Variants in ABCB11 observed in about 807,000 individuals in gnomAD.
ABCB11 encodes the protein ATP binding cassette subfamily B member 11.
In ABCB11, 95 loss-of-function variants were observed where a neutral mutation model predicts 148.0. That is an observed-to-expected ratio of 0.64 (90% CI 0.54 to 0.76). The LOEUF (loss-of-function observed/expected upper bound fraction) is 0.76, where lower values mean the gene tolerates loss of function less well. Among genes scored for constraint, ABCB11 ranks in the 30% least tolerant of loss-of-function variants. The pLI, the probability that ABCB11 is intolerant of heterozygous loss-of-function variation, is 0.00. For missense variants in ABCB11, 1,523 were observed against 1,617.8 expected, an observed-to-expected ratio of 0.94 and a Z score of 1.01; for synonymous variants, 591 against 555.4, an observed-to-expected ratio of 1.06 and a Z score of -0.90.
rs140540730 is a variant in ABCB11 at position 168,961,075 on chromosome 2, C to T, written c.2179-2947G>A. On this transcript the variant is annotated intron_variant, in intron 18 of 27. Transcript: ENST00000650372. ...ATCCCCAGTGTGATACCTGGCACTT[C>T]ACAGTGTACAATCGATGTTTATGGG... Among the ~76,000 whole-genome samples, 268 of 151,820 alleles carry T rather than the reference C, an allele frequency of 1.8e-3. 2 individuals are homozygous for T. Among genetic ancestry groups the T allele is most frequent in the African/African-American group, 6.0e-3 (248 of 41,498 alleles).
At chr2:168,996,593 G>T (rs1424110020) in intron 6 of ABCB11, 42 bp downstream of exon 6, 2 of 1,197,850 alleles carry the variant, frequency 1.7e-6, no homozygotes, top group Non-Finnish European at 2.3e-6. Context: ...GTGTCTTTGA[G>T]GTCAGATATT....
chr2:168,950,539 T>A (rs931462848), intron 19 of ABCB11, among the ~76,000 whole-genome samples: 6 of 151,798 alleles, frequency 4.0e-5, no homozygotes, highest in Admixed American at 3.3e-4. Context: ...TGATTAGTGA[T>A]GTTGAGCATT....
intron 5 of ABCB11, among the ~76,000 whole-genome samples, chr2:168,997,597 A>T (rs1245355697): frequency 6.6e-6 from 1 of 152,012 alleles, no homozygotes; most frequent in African/African-American, 2.4e-5. Flanking sequence ...GACAAGTTAA[A>T]TGGTATAGAG....
rs1690926712 is a variant in ABCB11 at position 168,915,631 on chromosome 2, G to A, written c.280C>T (p.Gln94Ter). The change falls in exon 3 of 3, where the codon CAG becomes TAG. Residue 94 changes from glutamine to a stop codon, truncating the protein, a stop_gained. Transcript: ENST00000648875. LOFTEE classifies it high-confidence loss of function. ...CAGGAATCAGGCTGAATATCTTCCT[G>A]CTCTGCCATCTGTGGTGTGTGGCTT... Among the ~76,000 whole-genome samples the A allele has an allele frequency of 6.6e-6, 1 of 152,220 alleles. No homozygotes were observed. The highest frequency in any genetic ancestry group is 1.5e-5 in the Non-Finnish European group (1 of 68,042).
chr2:168,972,347 TTATTCACTAC>T (rs1693620499), intron 13 of ABCB11, among the ~76,000 whole-genome samples: 2 of 149,782 alleles, frequency 1.3e-5, no homozygotes, highest in East Asian at 4.0e-4. Context: ...GTAGAGACAG[TTATTCACTAC>T]GTTTTAAATA....
intron 11 of ABCB11, among the ~76,000 whole-genome samples, chr2:168,977,249 C>G (rs958233987): frequency 1.3e-5 from 2 of 151,930 alleles, no homozygotes; most frequent in African/African-American, 2.4e-5. Context: ...GTCACCGTCA[C>G]CAAACTAGAC....
At chr2:169,017,461 A>G (rs1470325708) in intron 2 of ABCB11, among the ~76,000 whole-genome samples, 1 of 152,190 alleles carries the variant, frequency 6.6e-6, no homozygotes, top group Non-Finnish European at 1.5e-5. Context: ...ACAGACGGCA[A>G]TATCTTGGGC....
chr2:169,024,444 G>A (rs796408563), intron 1 of ABCB11, among the ~76,000 whole-genome samples: 12 of 152,098 alleles, frequency 7.9e-5, no homozygotes, highest in African/African-American at 2.9e-4. Context: ...GAGCAGTTTT[G>A]ATTTTATAGA....
chr2:168,988,500 T>C (rs1446535016), intron 9 of ABCB11, among the ~76,000 whole-genome samples: 1 of 152,192 alleles, frequency 6.6e-6, no homozygotes, highest in East Asian at 1.9e-4. Context: ...ACACATTTTC[T>C]TCATTCACTT....
chr2:169,023,172 A>C (rs1245028681), intron 1 of ABCB11, among the ~76,000 whole-genome samples: 1 of 152,236 alleles, frequency 6.6e-6, no homozygotes. Flanking sequence ...AGCAAGGCTA[A>C]ACATGTTAAT....
At chr2:168,936,207 G>A (rs1370008169) in intron 22 of ABCB11, 23 bp downstream of exon 22, 2 of 1,607,900 alleles carry the variant, frequency 1.2e-6, no homozygotes, top group East Asian at 2.2e-5. Flanking sequence ...TGAGGAATGG[G>A]AAAATTAGAT....
chr2:168,947,641 C>A (rs1157716107), intron 19 of ABCB11, among the ~76,000 whole-genome samples: 1 of 151,726 alleles, frequency 6.6e-6, no homozygotes, highest in African/African-American at 2.4e-5. Context: ...GAGAAGAAAG[C>A]ATCATGAGTT....
Position 168,936,511 on chromosome 2 carries a change from C to A in ABCB11, c.2611-78G>T, listed in dbSNP as rs1487220326. 7 of 1,359,746 alleles carry A rather than the reference C, an allele frequency of 5.1e-6. No individual in the cohort carries two copies. The African/African-American group carries it at 5.8e-5, about 11-fold the overall frequency. 84.2% of individuals were successfully genotyped at this position (1,359,746 alleles called of 1,614,324 possible). A position where few individuals can be genotyped will look rare whatever the true frequency, so the allele number is the denominator to read the frequency against. On this transcript the variant is annotated intron_variant, in intron 21 of 27. Coordinates refer to ENST00000650372, the MANE Select transcript of ABCB11 (RefSeq NM_003742.4). ...ATTACCATTACACAAAAAGGTCAGA[C>A]CTTTTATAAAGTTGTGATAAAATAT...
chr2:168,948,535 G>GAA (rs1226519171), intron 19 of ABCB11, among the ~76,000 whole-genome samples: 1 of 151,188 alleles, frequency 6.6e-6, no homozygotes, highest in Non-Finnish European at 1.5e-5. Flanking sequence ...CTCACAGACT[G>GAA]AAAACTCCAC....
At chr2:168,928,834 C>T (rs1258484625) in intron 25 of ABCB11, among the ~76,000 whole-genome samples, 1 of 152,120 alleles carries the variant, frequency 6.6e-6, no homozygotes, top group Non-Finnish European at 1.5e-5. Flanking sequence ...CAAATACTTT[C>T]AAACAAATTT....
chr2:168,970,393 G>T, intron 14 of ABCB11, 178 bp from the exon 15 acceptor site: 2 of 1,477,884 alleles, frequency 1.4e-6, no homozygotes, highest in Non-Finnish European at 9.1e-7. Flanking sequence ...CAATATTTAT[G>T]TGTGAAATAA....
chr2:168,982,167 G>A (rs1694155268), intron 10 of ABCB11, among the ~76,000 whole-genome samples: 1 of 152,142 alleles, frequency 6.6e-6, no homozygotes, highest in South Asian at 2.1e-4. Flanking sequence ...TTAAGCTATG[G>A]GTGTGCTGGA....
chr2:168,994,520 C>T (rs995918400), intron 7 of ABCB11, among the ~76,000 whole-genome samples: 5 of 151,946 alleles, frequency 3.3e-5, no homozygotes, highest in African/African-American at 1.2e-4. Flanking sequence ...ATAGAACCTA[C>T]CCCAATGGGT....
At chr2:169,007,675 A>C (rs1188793115) in intron 5 of ABCB11, among the ~76,000 whole-genome samples, 2 of 152,190 alleles carry the variant, frequency 1.3e-5, no homozygotes, top group Non-Finnish European at 1.5e-5. Flanking sequence ...ACTAGACATC[A>C]CCAAAATTAA....
Sources: gnomAD v4.1 joint callset for allele counts (sites outside exome capture counted in the v4.1 genomes callset) on GRCh38, gnomAD v4.1.1 for gene constraint, MANE v1.5 for transcripts, NCBI Gene and HGNC (gene_info 2026-07-23, HGNC 2026-07-21) for gene names.